Variants in NCKAP5 observed in about 807,000 individuals in gnomAD.
The protein encoded by NCKAP5 is NCK associated protein 5.
Under a neutral mutation model 167.0 loss-of-function variants are expected in NCKAP5, and 92 were observed. The ratio of observed to expected loss-of-function variants is 0.55; its 90% CI spans 0.47 to 0.66. The LOEUF is 0.66. Among genes scored for constraint, NCKAP5 ranks in the 30% least tolerant of loss-of-function variants. NCKAP5 has a pLI of 0.00. For missense variants in NCKAP5, 2,378 were observed against 2,315.0 expected (o/e 1.03, Z -0.56); for synonymous variants, 891 against 877.4 (o/e 1.02, Z -0.27).
In NCKAP5 at chr2:133,296,315, A is replaced by G. The variant is rs1679955780; in HGVS notation, c.143+6722T>C. Among the ~76,000 whole-genome samples the G allele has an allele frequency of 5.9e-5, 9 of 152,002 alleles. No homozygotes were observed. The South Asian group carries it at 1.9e-3, about 32-fold the overall frequency. On this transcript the variant is annotated intron_variant, in intron 4 of 19. Transcript: ENST00000409261. ...CCTATGATTTCATCCCGACACAACC[A>G]ATCAGCACTCCCCATTCTCTAACAT...
intron 4 of NCKAP5, among the ~76,000 whole-genome samples, chr2:133,246,305 A>T (rs548237466): frequency 6.6e-6 from 1 of 152,218 alleles, no homozygotes; most frequent in Non-Finnish European, 1.5e-5. Context: ...AATGACATGA[A>T]AAAAAGCTTG....
At chr2:133,294,659 A>G (rs1679836591) in intron 4 of NCKAP5, among the ~76,000 whole-genome samples, 1 of 152,208 alleles carries the variant, frequency 6.6e-6, no homozygotes, top group Non-Finnish European at 1.5e-5. Flanking sequence ...GAGAACATGA[A>G]TGAGCATTTT....
At chr2:133,057,685 T>C (rs1434344354) in intron 6 of NCKAP5, among the ~76,000 whole-genome samples, 1 of 152,206 alleles carries the variant, frequency 6.6e-6, no homozygotes, top group Non-Finnish European at 1.5e-5. Flanking sequence ...TAAGGAAAGA[T>C]GCCAATACCA....
At chr2:132,770,623 G>C (rs983297094) in intron 16 of NCKAP5, among the ~76,000 whole-genome samples, 39 of 151,886 alleles carry the variant, frequency 2.6e-4, no homozygotes, top group Admixed American at 1.5e-3. Flanking sequence ...TCAAAAACAT[G>C]GTTCAAATGT....
intron 19 of NCKAP5, among the ~76,000 whole-genome samples, chr2:132,703,023 T>C (rs1573929078): frequency 6.6e-6 from 1 of 151,822 alleles, no homozygotes; most frequent in African/African-American, 2.4e-5. Context: ...TACAAAAAAA[T>C]TTTAAAAATT....
At chr2:132,809,248 G>A (rs1426815201) in intron 11 of NCKAP5, among the ~76,000 whole-genome samples, 1 of 152,084 alleles carries the variant, frequency 6.6e-6, no homozygotes, top group African/African-American at 2.4e-5. Flanking sequence ...TTCTGCGGTT[G>A]TTGAATGAAA....
intron 19 of NCKAP5, among the ~76,000 whole-genome samples, chr2:132,712,391 C>A (rs998446590): frequency 6.6e-6 from 1 of 152,168 alleles, no homozygotes; most frequent in Admixed American, 6.5e-5. Context: ...GTGGCTCACT[C>A]CTGTAATCCC....
intron 19 of NCKAP5, among the ~76,000 whole-genome samples, chr2:132,716,105 A>G (rs1249504622): frequency 1.3e-5 from 2 of 152,110 alleles, no homozygotes; most frequent in African/African-American, 2.4e-5. Flanking sequence ...ATGTCTCCAG[A>G]CATTTGCTGA....
chr2:132,972,454 G>A (rs148899486), intron 7 of NCKAP5, among the ~76,000 whole-genome samples: 1,952 of 152,170 alleles, frequency 0.013, 38 homozygotes, highest in African/African-American at 0.045. Flanking sequence ...GGCTGGGCGC[G>A]GTGGCTCACA....
intron 11 of NCKAP5, among the ~76,000 whole-genome samples, chr2:132,810,835 T>C (rs745650137): frequency 2.2e-4 from 33 of 152,028 alleles, no homozygotes; most frequent in Non-Finnish European, 3.8e-4. Flanking sequence ...TTTTGGAGAG[T>C]GTTAAAGAGC....
chr2:133,232,661 C>T (rs2087206701), intron 4 of NCKAP5, among the ~76,000 whole-genome samples: 1 of 152,066 alleles, frequency 6.6e-6, no homozygotes. Flanking sequence ...AGGAAATTCA[C>T]AAATAGTGCC....
chr2:133,189,200 C>A (rs2085090846), intron 5 of NCKAP5, among the ~76,000 whole-genome samples: 1 of 152,086 alleles, frequency 6.6e-6, no homozygotes, highest in Non-Finnish European at 1.5e-5. Flanking sequence ...TGGATAAATT[C>A]CTGGACACAT....
intron 3 of NCKAP5, among the ~76,000 whole-genome samples, chr2:133,432,470 A>G (rs1225844124): frequency 6.6e-6 from 1 of 152,168 alleles, no homozygotes; most frequent in African/African-American, 2.4e-5. Context: ...AAATGCTCCC[A>G]GTGCCTGTTG....
chr2:133,572,084 G>A (rs1688888366), upstream of NCKAP5, among the ~76,000 whole-genome samples: 1 of 152,058 alleles, frequency 6.6e-6, no homozygotes, highest in Non-Finnish European at 1.5e-5. Context: ...ATATGTTCCT[G>A]AACTAATTTG....
At chr2:133,159,534 G>A (rs2083704183) in intron 5 of NCKAP5, among the ~76,000 whole-genome samples, 1 of 152,138 alleles carries the variant, frequency 6.6e-6, no homozygotes, top group East Asian at 1.9e-4. Context: ...AAGACCCTAT[G>A]AACGATCTAT....
chr2:133,422,939 T>C (rs1481224847), intron 3 of NCKAP5, among the ~76,000 whole-genome samples: 1 of 152,122 alleles, frequency 6.6e-6, no homozygotes, highest in Non-Finnish European at 1.5e-5. Flanking sequence ...TGTGTGAACA[T>C]TCAAAGGACC....
rs1558767194 is a variant in NCKAP5, at chr2:132,783,380, G to A, written c.3431C>T (p.Thr1144Ile). 1.0e-5 allele frequency: 16 copies of A among 1,606,990 alleles called. No homozygotes were observed. Among genetic ancestry groups the A allele is most frequent in the Non-Finnish European group, 1.3e-5 (15 of 1,176,848 alleles). ...CQSAHEKGLK[T>I]RLPVGLKVLM... ...CACTTTGAGTCCCACTGGAAGGCGA[G>A]TTTTCAGTCCTTTCTCATGAGCACT... The change falls in exon 14 of 20, where the codon ACT becomes ATT. Residue 1144 changes from threonine (T) to isoleucine (I), a missense_variant. Transcript: ENST00000409261.
chr2:132,840,768 T>C (rs1242835032), intron 11 of NCKAP5, among the ~76,000 whole-genome samples: 1 of 152,234 alleles, frequency 6.6e-6, no homozygotes, highest in East Asian at 1.9e-4. Flanking sequence ...TGTGTGCGTA[T>C]GTTTTGATAC....
chr2:133,586,866 G>A, the NCKAP5 span, among the ~76,000 whole-genome samples: 9 of 151,968 alleles, frequency 5.9e-5, no homozygotes, highest in South Asian at 2.1e-4. Flanking sequence ...TGGGGACTAC[G>A]ATGAACTGGA....
Sources: allele counts gnomAD v4.1 joint callset (sites outside exome capture counted in the v4.1 genomes callset), GRCh38; gene constraint gnomAD v4.1.1; transcripts MANE v1.5; gene names NCBI Gene and HGNC (gene_info 2026-07-23, HGNC 2026-07-21).